Variants in SLC25A21 observed in about 807,000 individuals in gnomAD.
SLC25A21 encodes the protein mitochondrial 2-oxodicarboxylate carrier.
Under a neutral mutation model 43.8 loss-of-function variants are expected in SLC25A21, and 47 were observed. The observed-to-expected ratio is 1.07, with a 90% CI of 0.85 to 1.37. SLC25A21 has a LOEUF of 1.37. Ranked by LOEUF, SLC25A21 falls within the 40% of genes most tolerant of loss-of-function variation. SLC25A21 has a pLI of 0.00. For missense variants in SLC25A21, 352 were observed against 350.2 expected (o/e 1.00, Z -0.04); for synonymous variants, 131 against 121.3 (o/e 1.08, Z -0.52).
At chr14:36,931,195 G>A (rs1892277929) in intron 1 of SLC25A21, among the ~76,000 whole-genome samples, 1 of 152,110 alleles carries the variant, frequency 6.6e-6, no homozygotes, top group East Asian at 1.9e-4. Flanking sequence ...ATTGAAAGCT[G>A]TAATATTTGC....
chr14:37,172,378 G>C lies in SLC25A21; in HGVS notation c.-28C>G. The C allele has an allele frequency of 6.3e-7, 1 of 1,579,054 alleles. No homozygotes were observed. Among genetic ancestry groups the C allele is most frequent in the Non-Finnish European group, 8.6e-7 (1 of 1,161,496 alleles). The stretch of plus-strand genomic sequence containing the variant: ...TCGCCAGGCGGGAGGACAAGGGAGT[G>C]GGCTGAGATGCGTCAACGAGCTCGC... On this transcript the variant is annotated 5_prime_UTR_variant, in exon 1 of 10. Transcript: ENST00000331299.
chr14:37,111,021 C>A (rs1029625431), intron 1 of SLC25A21, among the ~76,000 whole-genome samples: 1 of 152,062 alleles, frequency 6.6e-6, no homozygotes, highest in African/African-American at 2.4e-5. Flanking sequence ...GGAATAATAC[C>A]TAGCCCAGGA....
chr14:36,754,321 C>T (rs940744075), intron 3 of SLC25A21, among the ~76,000 whole-genome samples: 17 of 152,074 alleles, frequency 1.1e-4, no homozygotes, highest in African/African-American at 3.9e-4. Flanking sequence ...GATATCAGTT[C>T]TTCTAGTTCT....
intron 6 of SLC25A21, among the ~76,000 whole-genome samples, chr14:36,718,299 T>C (rs1275663051): frequency 6.6e-6 from 1 of 152,232 alleles, no homozygotes; most frequent in African/African-American, 2.4e-5. Context: ...TGGATTCATA[T>C]GCATAATTTT....
chr14:36,857,202 C>T (rs1040172469), intron 2 of SLC25A21, among the ~76,000 whole-genome samples: 1 of 152,204 alleles, frequency 6.6e-6, no homozygotes, highest in Admixed American at 6.5e-5. Flanking sequence ...ATTTCTTAGC[C>T]TCAGCTGCAG....
At chr14:36,886,256 T>G (rs1426958705) in intron 1 of SLC25A21, among the ~76,000 whole-genome samples, 1 of 152,190 alleles carries the variant, frequency 6.6e-6, no homozygotes, top group Non-Finnish European at 1.5e-5. Context: ...CTAATAATAG[T>G]TAAGGTGCAC....
chr14:36,859,555 G>C (rs1236089887), intron 2 of SLC25A21, among the ~76,000 whole-genome samples: 1 of 152,168 alleles, frequency 6.6e-6, no homozygotes, highest in African/African-American at 2.4e-5. Context: ...AACCTGAGCT[G>C]ACAATGAACA....
chr14:36,986,155 T>C (rs538683822), intron 1 of SLC25A21, among the ~76,000 whole-genome samples: 129 of 152,274 alleles, frequency 8.5e-4, no homozygotes, highest in African/African-American at 3.0e-3. Context: ...GACAAAGCAA[T>C]AAAACATATG....
chr14:36,698,943 C>T (rs559348806), intron 7 of SLC25A21, among the ~76,000 whole-genome samples: 25 of 152,286 alleles, frequency 1.6e-4, no homozygotes, highest in African/African-American at 4.6e-4. Context: ...ACTCATTCTC[C>T]GTTCAGCTTT....
chr14:37,004,189 A>G (rs1219166913), intron 1 of SLC25A21, among the ~76,000 whole-genome samples: 1 of 152,230 alleles, frequency 6.6e-6, no homozygotes, highest in Non-Finnish European at 1.5e-5. Context: ...ATTAATAATG[A>G]AAGAGCCATT....
At chr14:36,989,661 T>C (rs1288980982) in intron 1 of SLC25A21, among the ~76,000 whole-genome samples, 1 of 152,160 alleles carries the variant, frequency 6.6e-6, no homozygotes, top group East Asian at 1.9e-4. Context: ...TGGTTTTTAC[T>C]CATTTGGGGC....
intron 1 of SLC25A21, among the ~76,000 whole-genome samples, chr14:36,988,141 T>C (rs1006581474): frequency 2.6e-5 from 4 of 152,178 alleles, no homozygotes; most frequent in Admixed American, 6.5e-5. Context: ...ACCTGTCCCA[T>C]TCCCATCTAC....
rs575306540 is a variant in SLC25A21 at position 36,910,078 on chromosome 14, G to A, written c.71-35074C>T. 2.6e-5 allele frequency among the ~76,000 whole-genome samples: 4 copies of A among 152,220 alleles called. No homozygotes were observed. The East Asian group carries it at 7.7e-4, about 29-fold the overall frequency. On this transcript the variant is annotated intron_variant, in intron 1 of 9. Coordinates refer to ENST00000331299, the MANE Select transcript of SLC25A21 (RefSeq NM_030631.4). Reference sequence around the variant, plus strand: ...ATTCAGGTGTATCAGACTGTCAAATGCTCTTATTTGGGAAAGCAGACCTAA... The same window carrying A: ...ATTCAGGTGTATCAGACTGTCAAATACTCTTATTTGGGAAAGCAGACCTAA...
In SLC25A21 at chr14:36,680,461, TCA is replaced by T. The variant is rs1259251750; in HGVS notation, c.*195_*196del. On this transcript the variant is annotated 3_prime_UTR_variant, in exon 10 of 10. Coordinates refer to ENST00000331299, the MANE Select transcript of SLC25A21 (RefSeq NM_030631.4). ...ATTGTTTCATATTATTTTTTTCTTC[TCA>T]CAGTTTTATTTATACAGCCAAAACT... 8.3e-7 allele frequency: 1 copy of T among 1,208,002 alleles called. No individual in the cohort carries two copies. The highest frequency in any genetic ancestry group is 1.6e-5 in the African/African-American group (1 of 63,790). The allele number at this position is 1,208,002 out of a possible 1,614,324, so 74.8% of individuals were successfully genotyped here.
intron 1 of SLC25A21, among the ~76,000 whole-genome samples, chr14:37,008,229 C>A (rs1454348462): frequency 6.6e-6 from 1 of 152,134 alleles, no homozygotes; most frequent in African/African-American, 2.4e-5. Flanking sequence ...AAGAGACTAT[C>A]CAACTAATTT....
At chr14:36,857,903 T>C (rs541569686) in intron 2 of SLC25A21, among the ~76,000 whole-genome samples, 1 of 152,204 alleles carries the variant, frequency 6.6e-6, no homozygotes, top group African/African-American at 2.4e-5. Context: ...TAAAACTTTG[T>C]TTTTATTGGC....
chr14:36,865,906 AG>A (rs11349041), intron 2 of SLC25A21, among the ~76,000 whole-genome samples: 58,096 of 151,978 alleles, frequency 0.38, 11,458 homozygotes, highest in South Asian at 0.48. Context: ...GAATTCACCC[AG>A]TGATTAATAT....
chr14:36,876,809 C>A (rs1890539889), intron 1 of SLC25A21, among the ~76,000 whole-genome samples: 1 of 150,692 alleles, frequency 6.6e-6, no homozygotes, highest in African/African-American at 2.4e-5. Flanking sequence ...TTGAATCTGA[C>A]TCACATATAT....
At chr14:36,916,151 CA>C (rs1891826510) in intron 1 of SLC25A21, among the ~76,000 whole-genome samples, 1 of 152,206 alleles carries the variant, frequency 6.6e-6, no homozygotes, top group Non-Finnish European at 1.5e-5. Context: ...CCTAGATTCT[CA>C]GCAACTTAAG....
Sources: gnomAD v4.1 joint callset for allele counts (sites outside exome capture counted in the v4.1 genomes callset) on GRCh38, gnomAD v4.1.1 for gene constraint, MANE v1.5 for transcripts, NCBI Gene and HGNC (gene_info 2026-07-23, HGNC 2026-07-21) for gene names.